Variants in PIK3R1 observed in about 807,000 individuals in gnomAD.
PIK3R1 encodes the protein phosphatidylinositol 3-kinase regulatory subunit alpha.
PIK3R1 carries 29 observed loss-of-function variants against 98.0 expected under a neutral mutation model. The ratio of observed to expected loss-of-function variants is 0.30; its 90% CI spans 0.22 to 0.40. The LOEUF (loss-of-function observed/expected upper bound fraction) is 0.40, where lower values mean the gene tolerates loss of function less well. Among genes scored for constraint, PIK3R1 ranks in the 10% least tolerant of loss-of-function variants. The pLI is 1.00. For missense variants in PIK3R1, 596 were observed against 872.7 expected (o/e 0.68, Z 3.99); for synonymous variants, 282 against 311.8 (o/e 0.90, Z 1.01).
At chr5:68,275,167 C>G (rs1185347063) in intron 4 of PIK3R1, among the ~76,000 whole-genome samples, 1 of 152,136 alleles carries the variant, frequency 6.6e-6, no homozygotes, top group Non-Finnish European at 1.5e-5. Context: ...TCCATTTTTC[C>G]TTTGTACATG....
chr5:68,233,873 C>G (rs748912657), intron 2 of PIK3R1, among the ~76,000 whole-genome samples: 1 of 152,164 alleles, frequency 6.6e-6, no homozygotes, highest in African/African-American at 2.4e-5. Context: ...GGAATACCCT[C>G]TCTGGACTGT....
chr5:68,246,406 G>A (rs1184869489), intron 2 of PIK3R1, among the ~76,000 whole-genome samples: 1 of 150,832 alleles, frequency 6.6e-6, no homozygotes, highest in Non-Finnish European at 1.5e-5. Context: ...TCTGCCTCCC[G>A]GGCCCAAGCG....
At chr5:68,225,918 C>T (rs146813897) in intron 1 of PIK3R1, among the ~76,000 whole-genome samples, 4 of 152,286 alleles carry the variant, frequency 2.6e-5, no homozygotes, top group Admixed American at 2.0e-4. Context: ...CCACACATGC[C>T]ATTCTGTCTT....
intron 15 of PIK3R1, among the ~76,000 whole-genome samples, chr5:68,297,026 T>C (rs556997875): frequency 6.6e-6 from 1 of 152,328 alleles, no homozygotes; most frequent in East Asian, 1.9e-4. Context: ...ATAGTCATAA[T>C]GGGAGTAATA....
intron 2 of PIK3R1, among the ~76,000 whole-genome samples, chr5:68,260,275 G>A (rs913956561): frequency 3.9e-5 from 6 of 152,106 alleles, no homozygotes; most frequent in African/African-American, 1.4e-4. Flanking sequence ...TCTGGAAATG[G>A]AGCAGTTTCC....
chr5:68,218,626 A>C (rs990512598), intron 1 of PIK3R1, among the ~76,000 whole-genome samples: 1 of 152,202 alleles, frequency 6.6e-6, no homozygotes, highest in African/African-American at 2.4e-5. Context: ...TTTATGCTCA[A>C]GTAGAATATA....
intron 2 of PIK3R1, among the ~76,000 whole-genome samples, chr5:68,235,159 T>C (rs137996091): frequency 0.092 from 13,964 of 152,116 alleles, 761 homozygotes; most frequent in African/African-American, 0.14. Context: ...TCCCAGCATT[T>C]TGGGAGGCCA....
chr5:68,247,100 T>C (rs926525394), intron 2 of PIK3R1, among the ~76,000 whole-genome samples: 1 of 152,188 alleles, frequency 6.6e-6, no homozygotes, highest in Non-Finnish European at 1.5e-5. Flanking sequence ...GCGGTGCTTT[T>C]GGATAAGGGG....
At chr5:68,217,101 T>A (rs1441788022) in intron 1 of PIK3R1, among the ~76,000 whole-genome samples, 1 of 152,168 alleles carries the variant, frequency 6.6e-6, no homozygotes, top group Non-Finnish European at 1.5e-5. Flanking sequence ...TTCTTTTTTC[T>A]CTTCTTTTCC....
At chr5:68,246,514 T>C (rs1745094440) in intron 2 of PIK3R1, among the ~76,000 whole-genome samples, 1 of 152,168 alleles carries the variant, frequency 6.6e-6, no homozygotes, top group Non-Finnish European at 1.5e-5. Flanking sequence ...GGTTTCACCA[T>C]GTTAGCCAGG....
chr5:68,256,379 G>A (rs745905673), intron 2 of PIK3R1, among the ~76,000 whole-genome samples: 6 of 152,052 alleles, frequency 3.9e-5, no homozygotes, highest in Non-Finnish European at 7.4e-5. Context: ...ACAGGTGCCC[G>A]CCACCACGCC....
At chr5:68,269,059 G>T (rs1746239886) in intron 2 of PIK3R1, among the ~76,000 whole-genome samples, 1 of 152,164 alleles carries the variant, frequency 6.6e-6, no homozygotes, top group African/African-American at 2.4e-5. Flanking sequence ...TACAACCTGG[G>T]ACACCTAGTT....
rs1445946082 is a variant in PIK3R1, at chr5:68,301,484, GTATA to G, written c.*3889_*3892del. ...TATATATATATGTATATACATATATGTATATATATGCACATATATATATGTATTT... is the reference window on the plus strand; with the variant it reads ...TATATATATATGTATATACATATATGTATATGCACATATATATATGTATTT... On this transcript the variant is annotated 3_prime_UTR_variant, in exon 16 of 16. Coordinates refer to ENST00000521381, the MANE Select transcript of PIK3R1 (RefSeq NM_181523.3). 1 of 111,506 alleles carries G rather than the reference GTATA, an allele frequency of 9.0e-6. No homozygotes were observed. The highest frequency in any genetic ancestry group is 3.6e-5 in the African/African-American group (1 of 27,752). 6.9% of individuals were successfully genotyped at this position (111,506 alleles called of 1,614,324 possible).
intron 1 of PIK3R1, among the ~76,000 whole-genome samples, 153 bp from the exon 2 acceptor site, chr5:68,226,137 C>T (rs539589181): frequency 6.6e-6 from 1 of 152,258 alleles, no homozygotes; most frequent in Admixed American, 6.5e-5. Flanking sequence ...CAGGGACTGC[C>T]TTACTAATCT....
chr5:68,244,765 G>T (rs187972392), intron 2 of PIK3R1, among the ~76,000 whole-genome samples: 71 of 152,148 alleles, frequency 4.7e-4, no homozygotes, highest in Non-Finnish European at 5.0e-4. Flanking sequence ...GCACTTGTTT[G>T]AACTTCTCAG....
In PIK3R1 at chr5:68,227,027, G is replaced by A. The variant is rs181402217; in HGVS notation, c.334+18G>A. Reference sequence around the variant, plus strand: ...ACAACAAGGTCAGTATTGATAAGTGGTTGCTTAATGACTCCCTTTCTTTTT... The same window carrying A: ...ACAACAAGGTCAGTATTGATAAGTGATTGCTTAATGACTCCCTTTCTTTTT... On this transcript the variant is annotated intron_variant, in intron 2 of 15. Transcript: ENST00000521381. 3.0e-5 allele frequency: 47 copies of A among 1,566,654 alleles called. No homozygotes were observed. In the African/African-American group the frequency reaches 6.3e-4, roughly 21 times the overall value.
chr5:68,257,341 T>C (rs1470739209), intron 2 of PIK3R1, among the ~76,000 whole-genome samples: 1 of 152,228 alleles, frequency 6.6e-6, no homozygotes, highest in Non-Finnish European at 1.5e-5. Flanking sequence ...AACAAAGGGC[T>C]GGTAATTACA....
At chr5:68,224,209 G>T (rs1318105968) in intron 1 of PIK3R1, among the ~76,000 whole-genome samples, 1 of 152,158 alleles carries the variant, frequency 6.6e-6, no homozygotes, top group African/African-American at 2.4e-5. Context: ...TGTCTCTTTT[G>T]TACAGAGTAC....
At chr5:68,293,639 C>A (rs2112261092) in intron 10 of PIK3R1, 70 bp from the exon 11 acceptor site, 3 of 1,215,706 alleles carry the variant, frequency 2.5e-6, no homozygotes, top group South Asian at 1.4e-5. Context: ...GTTTCCATGT[C>A]AGCTATTTTG....
Sources: allele counts gnomAD v4.1 joint callset (sites outside exome capture counted in the v4.1 genomes callset), GRCh38; gene constraint gnomAD v4.1.1; transcripts MANE v1.5; gene names NCBI Gene and HGNC (gene_info 2026-07-23, HGNC 2026-07-21).